ATP11A: variants seen among roughly 807,000 people sequenced by gnomAD.
The protein encoded by ATP11A is ATPase phospholipid transporting 11A, also known as phospholipid-transporting ATPase IH.
ATP11A carries 81 observed loss-of-function variants against 154.4 expected under a neutral mutation model. The ratio of observed to expected loss-of-function variants is 0.52; its 90% CI spans 0.44 to 0.63. ATP11A has a LOEUF of 0.63. Ranked by LOEUF, ATP11A falls within the 30% of genes least tolerant of loss-of-function variation. The pLI, the probability that ATP11A is intolerant of heterozygous loss-of-function variation, is 0.00. For synonymous variants in ATP11A, 623 were observed against 585.9 expected (o/e 1.06, Z -0.91); for missense variants, 1,316 against 1,474.3 (o/e 0.89, Z 1.76).
chr13:112,766,797 G>A (rs71446912), intron 1 of ATP11A, among the ~76,000 whole-genome samples: 59,384 of 71,000 alleles, frequency 0.84, 24,985 homozygotes, highest in Middle Eastern at 0.98. Flanking sequence ...AGGATGTGGG[G>A]GCGTTGGGGG....
intron 26 of ATP11A, among the ~76,000 whole-genome samples, chr13:112,872,204 A>G (rs1433351853): frequency 6.6e-6 from 1 of 152,256 alleles, no homozygotes; most frequent in Non-Finnish European, 1.5e-5. Flanking sequence ...AATTATATAC[A>G]GAATATATCA....
At chr13:112,879,483 A>ATGCCAAC (rs2080822290) in intron 29 of ATP11A, among the ~76,000 whole-genome samples, 1 of 152,374 alleles carries the variant, frequency 6.6e-6, no homozygotes. Flanking sequence ...TGATTAAATC[A>ATGCCAAC]TGCCAACTCT....
intron 17 of ATP11A, among the ~76,000 whole-genome samples, chr13:112,848,890 G>A (rs1248603004): frequency 3.9e-5 from 6 of 152,288 alleles, no homozygotes; most frequent in African/African-American, 1.4e-4. Flanking sequence ...GTTTCACCAC[G>A]TTGGCCAGTC....
At chr13:112,817,112 G>A (rs2140186973) in intron 6 of ATP11A, among the ~76,000 whole-genome samples, 2 of 152,322 alleles carry the variant, frequency 1.3e-5, no homozygotes, top group East Asian at 3.9e-4. Context: ...AAAAGATATA[G>A]CACCATTAAT....
In ATP11A at chr13:112,690,133, G is replaced by T. The variant is rs1222370658; in HGVS notation, c.-284G>T. Reference sequence around the variant, plus strand: ...TCCAGCCGAGCCCAACCGAGCGGGCGGACCGACGGGGAGAGAGAAGGCGCC... The same window carrying T: ...TCCAGCCGAGCCCAACCGAGCGGGCTGACCGACGGGGAGAGAGAAGGCGCC... On this transcript the variant is annotated 5_prime_UTR_variant, in exon 1 of 30. Transcript: ENST00000375645. This position sits in a 1 kb window ranked among gnomAD's most constrained non-coding sequence, Gnocchi z 5.6. Among the ~76,000 whole-genome samples, 2 of 148,332 alleles carry T rather than the reference G, an allele frequency of 1.3e-5. No individual in the cohort carries two copies. The highest frequency in any genetic ancestry group is 4.9e-5 in the African/African-American group (2 of 41,080).
At chr13:112,730,893 A>C (rs1271842579) in intron 1 of ATP11A, among the ~76,000 whole-genome samples, 1 of 152,168 alleles carries the variant, frequency 6.6e-6, no homozygotes, top group Non-Finnish European at 1.5e-5. Flanking sequence ...GTCTTCGGGC[A>C]GCACTTTCTC....
At position 112,785,381 on chromosome 13, in the gene ATP11A, C is replaced by A. The variant is rs1364238642; in HGVS notation, c.162+124C>A. ...CCCTGCTGTCACAGCCACCAGCCAC[C>A]CCCAGCAAGGGCTTCGGATCAGGAC... On this transcript the variant is annotated intron_variant, in intron 2 of 29. Coordinates refer to ENST00000375645, the MANE Select transcript of ATP11A (RefSeq NM_015205.3). This position sits in a 1 kb window ranked among gnomAD's most constrained non-coding sequence, Gnocchi z 4.8. 1 of 1,171,652 alleles carries A rather than the reference C, an allele frequency of 8.5e-7. No individual in the cohort carries two copies. The allele number at this position is 1,171,652 out of a possible 1,614,324, so 72.6% of individuals were successfully genotyped here. A position where few individuals can be genotyped will look rare whatever the true frequency, so the allele number is the denominator to read the frequency against.
intron 17 of ATP11A, 94 bp downstream of exon 17, chr13:112,842,473 G>A (rs1481245578): frequency 1.5e-5 from 14 of 948,716 alleles, no homozygotes; most frequent in South Asian, 7.1e-5. Flanking sequence ...TGGGAATGGC[G>A]TATTGTATTC....
intron 4 of ATP11A, among the ~76,000 whole-genome samples, chr13:112,809,153 T>A (rs1404478314): frequency 2.0e-5 from 3 of 151,906 alleles, no homozygotes; most frequent in African/African-American, 7.3e-5. Context: ...GCTAAATAAG[T>A]GTGTTTAATG....
chr13:112,806,775 C>G (rs751740781), intron 4 of ATP11A, among the ~76,000 whole-genome samples: 1 of 152,086 alleles, frequency 6.6e-6, no homozygotes, highest in Admixed American at 6.5e-5. Flanking sequence ...CCCCCAGATT[C>G]CCTGTACACG....
At chr13:112,873,955 C>G (rs1017118857) in intron 27 of ATP11A, among the ~76,000 whole-genome samples, 5 of 152,162 alleles carry the variant, frequency 3.3e-5, no homozygotes, top group Admixed American at 6.5e-5. Flanking sequence ...GGATTCCGCA[C>G]CAGGGGACCC....
chr13:112,881,574 C>G, intron 29 of ATP11A: 1 of 1,163,178 alleles, frequency 8.6e-7, no homozygotes, highest in Non-Finnish European at 1.1e-6. Flanking sequence ...GGGACGGTCA[C>G]TCTGTTGGTA....
chr13:112,807,858 A>T lies in ATP11A; in HGVS notation c.333+1565A>T, dbSNP rs1226404311. 6.6e-6 allele frequency among the ~76,000 whole-genome samples: 1 copy of T among 152,152 alleles called. No homozygotes were observed. Among genetic ancestry groups the T allele is most frequent in the Non-Finnish European group, 1.5e-5 (1 of 68,024 alleles). Reference sequence around the variant, plus strand: ...GCAGAGAGAAGGGGCGCGGGGGTGCAGAACAAGGGGCTGAGGCTCTATGGC... The same window carrying T: ...GCAGAGAGAAGGGGCGCGGGGGTGCTGAACAAGGGGCTGAGGCTCTATGGC... On this transcript the variant is annotated intron_variant, in intron 4 of 29. Transcript: ENST00000375645. This position sits in a 1 kb window ranked among gnomAD's most constrained non-coding sequence, Gnocchi z 4.5.
At chr13:112,831,993 CAG>C (rs1374796655) in intron 13 of ATP11A, among the ~76,000 whole-genome samples, 5 of 151,106 alleles carry the variant, frequency 3.3e-5, no homozygotes, top group Admixed American at 2.0e-4. Flanking sequence ...TGTGCACACA[CAG>C]ACACACATGC....
At chr13:112,813,872 A>G (rs910886268) in intron 5 of ATP11A, among the ~76,000 whole-genome samples, 3 of 150,830 alleles carry the variant, frequency 2.0e-5, no homozygotes, top group Non-Finnish European at 4.4e-5. Flanking sequence ...ATAACTCTTC[A>G]TGTCTTTTAT....
In ATP11A at chr13:112,882,940, AGCACCGCACCTCTGCCCGCCTCCC is replaced by A; in HGVS notation, c.*1079_*1102del. 1 of 399,130 alleles carries A rather than the reference AGCACCGCACCTCTGCCCGCCTCCC, an allele frequency of 2.5e-6. No homozygotes were observed. The highest frequency in any genetic ancestry group is 4.4e-6 in the Non-Finnish European group (1 of 226,492). The allele number at this position is 399,130 out of a possible 1,614,324, so 24.7% of individuals were successfully genotyped here. Reference sequence around the variant, plus strand: ...AGGACACGGGTGGATCCCAACAGGCAGCACCGCACCTCTGCCCGCCTCCCGCACTGCAGCTCCGCCCGCCGGGCT... The same window carrying A: ...AGGACACGGGTGGATCCCAACAGGCAGCACTGCAGCTCCGCCCGCCGGGCT... On this transcript the variant is annotated 3_prime_UTR_variant, in exon 30 of 30. Coordinates refer to ENST00000375645, the MANE Select transcript of ATP11A (RefSeq NM_015205.3). The surrounding 1 kb of genome is among the most constrained non-coding windows in gnomAD (Gnocchi z 5.1).
At chr13:112,796,413 C>T (rs1404836810) in intron 2 of ATP11A, among the ~76,000 whole-genome samples, 1 of 152,108 alleles carries the variant, frequency 6.6e-6, no homozygotes, top group Non-Finnish European at 1.5e-5. Context: ...CCAAAAGTAA[C>T]CACAGAGGCA....
intron 28 of ATP11A, among the ~76,000 whole-genome samples, chr13:112,877,433 G>A: frequency 6.6e-6 from 1 of 152,234 alleles, no homozygotes; most frequent in Non-Finnish European, 1.5e-5. Flanking sequence ...AGGGCTCTGT[G>A]CATGGGACAC....
rs948821339 is a variant in ATP11A at position 112,859,858 on chromosome 13, C to T, written c.2727+406C>T. ...GCAACGTGCCCATAGGGGAAGAAGA[C>T]AGTTCCCATCCGGGAGGGGTGAAGG... is the stretch of plus-strand genomic sequence containing the variant. On this transcript the variant is annotated intron_variant, in intron 23 of 29. Transcript: ENST00000375645. The surrounding 1 kb of genome is among the most constrained non-coding windows in gnomAD (Gnocchi z 4.3). Among the ~76,000 whole-genome samples the T allele has an allele frequency of 6.6e-6, 1 of 152,188 alleles. No homozygotes were observed. Among genetic ancestry groups the T allele is most frequent in the Admixed American group, 6.5e-5 (1 of 15,282 alleles).
Sources: gnomAD v4.1 joint callset for allele counts (sites outside exome capture counted in the v4.1 genomes callset) on GRCh38, gnomAD v4.1.1 for gene constraint, Gnocchi (gnomAD v3.1) non-coding constraint, MANE v1.5 for transcripts, NCBI Gene and HGNC (gene_info 2026-07-23, HGNC 2026-07-21) for gene names.